Variants in FRMD4A observed in about 807,000 individuals in gnomAD.
FRMD4A encodes FERM domain containing 4A, also known as FERM domain-containing protein 4A.
A neutral mutation model predicts 129.1 loss-of-function variants in FRMD4A; 29 were observed. The ratio of observed to expected loss-of-function variants is 0.22; its 90% confidence interval spans 0.17 to 0.31. FRMD4A has a LOEUF of 0.31. Ranked by LOEUF, FRMD4A falls within the 10% of genes least tolerant of loss-of-function variation. FRMD4A has a pLI of 1.00. For missense variants in FRMD4A, 1,272 were observed against 1,375.8 expected (o/e 0.92, Z 1.19); for synonymous variants, 634 against 571.6 (o/e 1.11, Z -1.56).
chr10:14,071,409 G>T (rs117818734), intron 2 of FRMD4A, among the ~76,000 whole-genome samples: 4,400 of 152,240 alleles, frequency 0.029, 114 homozygotes, highest in Non-Finnish European at 0.044. Flanking sequence ...AAGATAAACC[G>T]TATGCCCATG....
At chr10:13,901,413 C>A (rs1284710762) in intron 2 of FRMD4A, among the ~76,000 whole-genome samples, 4 of 152,020 alleles carry the variant, frequency 2.6e-5, no homozygotes, top group African/African-American at 7.2e-5. Context: ...GAGTTTGAGA[C>A]CAGCCTGGCC....
At chr10:13,708,321 A>T (rs1269402799) in intron 12 of FRMD4A, among the ~76,000 whole-genome samples, 4 of 152,172 alleles carry the variant, frequency 2.6e-5, no homozygotes, top group Non-Finnish European at 4.4e-5. Context: ...CTGTCTTCCC[A>T]GGCTGGGGAC....
chr10:14,289,293 T>A (rs1022768708), intron 2 of FRMD4A, among the ~76,000 whole-genome samples: 1 of 152,168 alleles, frequency 6.6e-6, no homozygotes, highest in African/African-American at 2.4e-5. Flanking sequence ...TCTTTTGGGT[T>A]TTTTTTAAAT....
At chr10:14,020,900 C>T (rs944315169) in intron 2 of FRMD4A, among the ~76,000 whole-genome samples, 16 of 151,988 alleles carry the variant, frequency 1.1e-4, no homozygotes, top group African/African-American at 1.9e-4. Context: ...TTGCAGCAGG[C>T]GACTTAAAAC....
intron 2 of FRMD4A, among the ~76,000 whole-genome samples, chr10:14,312,285 G>C (rs1157022440): frequency 6.6e-6 from 1 of 152,214 alleles, no homozygotes; most frequent in Non-Finnish European, 1.5e-5. Context: ...TGTTTACACA[G>C]TAAGATTCTT....
intron 2 of FRMD4A, among the ~76,000 whole-genome samples, chr10:14,019,794 C>A (rs779848682): frequency 1.1e-4 from 16 of 152,266 alleles, no homozygotes; most frequent in Admixed American, 8.5e-4. Context: ...TGGAGGGTGA[C>A]CTAGAACCAC....
At chr10:13,649,460 T>C (rs1197672419) in intron 24 of FRMD4A, 1 of 127,296 alleles carries the variant, frequency 7.9e-6, no homozygotes, top group Non-Finnish European at 1.9e-5. Context: ...GGGTGGGAGA[T>C]GCTGGATTGG....
chr10:14,055,843 A>G (rs955965785), intron 2 of FRMD4A, among the ~76,000 whole-genome samples: 3 of 152,240 alleles, frequency 2.0e-5, no homozygotes, highest in Non-Finnish European at 4.4e-5. Context: ...CAATGCAATT[A>G]TAGTCTTTTC....
chr10:14,063,175 C>G (rs1413642725), intron 2 of FRMD4A, among the ~76,000 whole-genome samples: 1 of 40,444 alleles, frequency 2.5e-5, no homozygotes, highest in African/African-American at 6.7e-5. Flanking sequence ...AGGAATAAAT[C>G]TGCTTTTTTT....
At chr10:14,271,449 C>T (rs1035462664) in intron 2 of FRMD4A, among the ~76,000 whole-genome samples, 15 of 152,220 alleles carry the variant, frequency 9.9e-5, no homozygotes, top group Non-Finnish European at 5.9e-5. Flanking sequence ...GGACATGAAC[C>T]TCACATGCAT....
intron 4 of FRMD4A, among the ~76,000 whole-genome samples, chr10:13,808,699 T>A (rs533951976): frequency 1.3e-5 from 2 of 152,312 alleles, no homozygotes; most frequent in South Asian, 4.2e-4. Flanking sequence ...TTTCCCCTGG[T>A]GCACCAGGCA....
At position 13,738,761 on chromosome 10, in the gene FRMD4A, C is replaced by T. The variant is rs1588499109; in HGVS notation, c.673-831G>A. ...TCAGCCTCCCAAGTAGCTGGGATTA[C>T]AGGCACGTGCCACCACGTCTGGCTA... On this transcript the variant is annotated intron_variant, in intron 11 of 24. Coordinates refer to ENST00000357447, the MANE Select transcript of FRMD4A (RefSeq NM_018027.5). Among the ~76,000 whole-genome samples, 4 of 152,286 alleles carry T rather than the reference C, an allele frequency of 2.6e-5. No individual in the cohort carries two copies. In the South Asian group the frequency reaches 8.3e-4, roughly 32 times the overall value.
At chr10:14,187,408 T>C (rs1196154170) in intron 2 of FRMD4A, among the ~76,000 whole-genome samples, 2 of 152,194 alleles carry the variant, frequency 1.3e-5, no homozygotes, top group Admixed American at 6.5e-5. Context: ...TGATGTTCTT[T>C]CTTTTTCAAC....
chr10:13,953,003 A>G (rs938496980), intron 2 of FRMD4A, among the ~76,000 whole-genome samples: 9 of 152,038 alleles, frequency 5.9e-5, no homozygotes, highest in African/African-American at 1.9e-4. Flanking sequence ...GGCCCAAATT[A>G]TGTAAACTTT....
At position 14,120,742 on chromosome 10, in the gene FRMD4A, G is replaced by T. The variant is rs180933646; in HGVS notation, c.45+209316C>A. Among the ~76,000 whole-genome samples the T allele has an allele frequency of 3.9e-5, 6 of 152,264 alleles. No homozygotes were observed. In the East Asian group the frequency reaches 5.8e-4, roughly 15 times the overall value. On this transcript the variant is annotated intron_variant, in intron 2 of 24. Coordinates refer to ENST00000357447, the MANE Select transcript of FRMD4A (RefSeq NM_018027.5). ...GCCCTCCCTGCTGCTTTGATTTTACGTGAGTGAGAAATAAACATCTATGAC... is the reference window on the plus strand; with the variant it reads ...GCCCTCCCTGCTGCTTTGATTTTACTTGAGTGAGAAATAAACATCTATGAC...
intron 2 of FRMD4A, among the ~76,000 whole-genome samples, chr10:14,250,095 C>T (rs745752754): frequency 2.6e-5 from 4 of 152,072 alleles, no homozygotes; most frequent in South Asian, 4.2e-4. Flanking sequence ...CAAGTAGCTG[C>T]GATTACAGGT....
At chr10:13,875,901 G>T (rs930442546) in intron 2 of FRMD4A, among the ~76,000 whole-genome samples, 1 of 152,214 alleles carries the variant, frequency 6.6e-6, no homozygotes, top group African/African-American at 2.4e-5. Flanking sequence ...CCCAAATGGG[G>T]GTTCGGGGGA....
intron 3 of FRMD4A, among the ~76,000 whole-genome samples, chr10:13,847,819 G>A (rs1398875676): frequency 6.6e-6 from 1 of 152,126 alleles, no homozygotes; most frequent in African/African-American, 2.4e-5. Context: ...CCAAATAAAC[G>A]GATGCTTAGA....
At chr10:13,896,361 C>T (rs2094758473) in intron 2 of FRMD4A, among the ~76,000 whole-genome samples, 1 of 152,142 alleles carries the variant, frequency 6.6e-6, no homozygotes, top group Non-Finnish European at 1.5e-5. Flanking sequence ...GAGTTCATAT[C>T]CTTTGCAGAG....
Sources: allele counts gnomAD v4.1 joint callset (sites outside exome capture counted in the v4.1 genomes callset), GRCh38; gene constraint gnomAD v4.1.1; transcripts MANE v1.5; gene names NCBI Gene and HGNC (gene_info 2026-07-23, HGNC 2026-07-21).